Variants in GREM2 observed in about 807,000 individuals in gnomAD.
GREM2 encodes the protein gremlin-2.
GREM2 carries 11 observed loss-of-function variants against 14.2 expected under a neutral mutation model. That is an observed-to-expected ratio of 0.78 (90% CI 0.49 to 1.28). GREM2 has a LOEUF of 1.28. Among genes scored for constraint, GREM2 ranks in the 50% most tolerant of loss-of-function variants. The pLI is 0.00. For synonymous variants in GREM2, 98 were observed against 97.6 expected (o/e 1.00, Z -0.02); for missense variants, 210 against 218.5 (o/e 0.96, Z 0.24).
chr1:240,547,822 C>T (rs191843383), intron 1 of GREM2, among the ~76,000 whole-genome samples: 52 of 151,964 alleles, frequency 3.4e-4, no homozygotes, highest in Admixed American at 2.4e-3. Flanking sequence ...GTGTTAAAAA[C>T]CACCCAGAAG....
chr1:240,573,906 G>C (rs1342654748), intron 1 of GREM2, among the ~76,000 whole-genome samples: 2 of 152,022 alleles, frequency 1.3e-5, no homozygotes, highest in South Asian at 2.1e-4. Flanking sequence ...TTTCAAATAA[G>C]ATAATAAGAG....
At chr1:240,557,970 A>C (rs1265722940) in intron 1 of GREM2, among the ~76,000 whole-genome samples, 1 of 152,218 alleles carries the variant, frequency 6.6e-6, no homozygotes, top group African/African-American at 2.4e-5. Context: ...AAAACAAATG[A>C]GAAAGAAAAA....
chr1:240,562,896 ATG>A (rs572894181), intron 1 of GREM2, among the ~76,000 whole-genome samples: 12 of 136,168 alleles, frequency 8.8e-5, no homozygotes, highest in East Asian at 6.7e-4. Context: ...ATGAGTGTGT[ATG>A]TGTGTATGTA....
intron 1 of GREM2, among the ~76,000 whole-genome samples, chr1:240,529,274 G>GT (rs947595182): frequency 1.0e-3 from 58 of 56,484 alleles, no homozygotes; most frequent in South Asian, 2.3e-3. Flanking sequence ...CTATGATTAT[G>GT]TTTTTTTTTT....
intron 1 of GREM2, among the ~76,000 whole-genome samples, chr1:240,520,058 C>A (rs1209339922): frequency 7.3e-6 from 1 of 137,656 alleles, no homozygotes; most frequent in Non-Finnish European, 1.6e-5. Context: ...CCAGCCTGGG[C>A]AACAAGAGCA....
intron 1 of GREM2, among the ~76,000 whole-genome samples, chr1:240,521,371 A>C (rs1229563836): frequency 6.6e-6 from 1 of 152,070 alleles, no homozygotes; most frequent in Admixed American, 6.6e-5. Context: ...GATCGAGACC[A>C]TCCTGGCTAA....
At chr1:240,552,809 A>G (rs1678880112) in intron 1 of GREM2, among the ~76,000 whole-genome samples, 1 of 152,348 alleles carries the variant, frequency 6.6e-6, no homozygotes, top group South Asian at 2.1e-4. Flanking sequence ...AAAGTTTTTG[A>G]AACATGCTGT....
rs1011481913 is a variant in GREM2, at chr1:240,507,283, T to TCCTC, written c.-1-13811_-1-13808dup. On this transcript the variant is annotated intron_variant, in intron 1 of 1. Coordinates refer to ENST00000318160, the MANE Select transcript of GREM2 (RefSeq NM_022469.4). ...TTCCTTCCTGCCTGCCTTCCTGCCT[T>TCCTC]CCTCCCTCCCTCCCTCCCTTCCTTC... 4.8e-3 allele frequency among the ~76,000 whole-genome samples: 723 copies of TCCTC among 151,666 alleles called. 3 individuals carry two copies. Among genetic ancestry groups the TCCTC allele is most frequent in the Non-Finnish European group, 6.9e-3 (465 of 67,832 alleles).
At chr1:240,509,509 C>T (rs1433888775) in intron 1 of GREM2, among the ~76,000 whole-genome samples, 1 of 151,966 alleles carries the variant, frequency 6.6e-6, no homozygotes, top group African/African-American at 2.4e-5. Context: ...GCTGTGATTA[C>T]AGGCATGCAC....
At chr1:240,566,073 TC>T (rs921168841) in intron 1 of GREM2, among the ~76,000 whole-genome samples, 7 of 152,036 alleles carry the variant, frequency 4.6e-5, no homozygotes, top group African/African-American at 1.7e-4. Context: ...AAACCAGGGG[TC>T]TTTATTTCTC....
chr1:240,491,412 A>C lies in GREM2; in HGVS notation c.*1557T>G, dbSNP rs1454073419. 2 of 152,622 alleles carry C rather than the reference A, an allele frequency of 1.3e-5. No individual in the cohort carries two copies. The highest frequency in any genetic ancestry group is 4.8e-5 in the African/African-American group (2 of 41,440). 9.5% of individuals were successfully genotyped at this position (152,622 alleles called of 1,614,324 possible). A position where few individuals can be genotyped will look rare whatever the true frequency, so the allele number is the denominator to read the frequency against. ...ACATTTGTCAGATTCCATAAGCATT[A>C]CTCACAGGGAAGCCTTCCTGGGGCA... On this transcript the variant is annotated 3_prime_UTR_variant, in exon 2 of 2. Transcript: ENST00000318160.
chr1:240,544,199 G>A (rs1026238041), intron 1 of GREM2, among the ~76,000 whole-genome samples: 1 of 151,028 alleles, frequency 6.6e-6, no homozygotes, highest in South Asian at 2.1e-4. Flanking sequence ...CCAGGCTGGA[G>A]TGCAGTGGCG....
At chr1:240,504,532 T>C (rs938823642) in intron 1 of GREM2, among the ~76,000 whole-genome samples, 17 of 152,288 alleles carry the variant, frequency 1.1e-4, no homozygotes, top group African/African-American at 4.1e-4. Flanking sequence ...CCTCTCTTCT[T>C]GCACTTGACA....
intron 1 of GREM2, among the ~76,000 whole-genome samples, chr1:240,521,348 C>T (rs549768578): frequency 2.0e-5 from 3 of 152,116 alleles, no homozygotes; most frequent in Non-Finnish European, 4.4e-5. Context: ...GTGGGCGGAT[C>T]ACGAGGTCAG....
chr1:240,606,823 C>T (rs532629602), intron 1 of GREM2, among the ~76,000 whole-genome samples: 8 of 152,100 alleles, frequency 5.3e-5, no homozygotes, highest in East Asian at 1.9e-4. Flanking sequence ...GGATTACAGG[C>T]GTGCACCACC....
chr1:240,555,510 T>C (rs1678939324), intron 1 of GREM2, among the ~76,000 whole-genome samples: 1 of 152,174 alleles, frequency 6.6e-6, no homozygotes, highest in Non-Finnish European at 1.5e-5. Context: ...AAAGTAAAAA[T>C]GTTTAGGACA....
chr1:240,492,955 G>T lies in GREM2; in HGVS notation c.*14C>A. On this transcript the variant is annotated 3_prime_UTR_variant, in exon 2 of 2. Transcript: ENST00000318160. ...CCGGGCGCGCGCGGGGCTGAGCTGC[G>T]TCCGGCCCGGCGCTCACTGCTTGTC... 3.3e-6 allele frequency: 5 copies of T among 1,503,030 alleles called. No homozygotes were observed. Among genetic ancestry groups the T allele is most frequent in the Non-Finnish European group, 4.5e-6 (5 of 1,123,084 alleles). The allele number at this position is 1,503,030 out of a possible 1,614,324, so 93.1% of individuals were successfully genotyped here. A position where few individuals can be genotyped will look rare whatever the true frequency, so the allele number is the denominator to read the frequency against.
At chr1:240,544,322 T>C (rs997077659) in intron 1 of GREM2, among the ~76,000 whole-genome samples, 3 of 152,038 alleles carry the variant, frequency 2.0e-5, no homozygotes, top group African/African-American at 7.2e-5. Flanking sequence ...TAATTTTTTG[T>C]ATTTTTAATA....
rs540192598 is a variant in GREM2 at position 240,551,037 on chromosome 1, C to T, written c.-1-57561G>A. 3.9e-5 allele frequency among the ~76,000 whole-genome samples: 6 copies of T among 152,316 alleles called. No homozygotes were observed. In the East Asian group the frequency reaches 1.2e-3, roughly 29 times the overall value. On this transcript the variant is annotated intron_variant, in intron 1 of 1. Transcript: ENST00000318160. ...CTCATTTAAAGTTTTCTATCCTGGG[C>T]TAAATATCTCTGGATGTTCTTAAAT... is the stretch of plus-strand genomic sequence containing the variant.
Sources: gnomAD v4.1 joint callset for allele counts (sites outside exome capture counted in the v4.1 genomes callset) on GRCh38, gnomAD v4.1.1 for gene constraint, MANE v1.5 for transcripts, NCBI Gene and HGNC (gene_info 2026-07-23, HGNC 2026-07-21) for gene names.